HUWE1: variants seen among roughly 807,000 people sequenced by gnomAD.
HUWE1 encodes the protein E3 ubiquitin-protein ligase HUWE1.
In HUWE1, 18 loss-of-function variants were observed where a neutral mutation model predicts 299.4. The ratio of observed to expected loss-of-function variants is 0.06; its 90% CI spans 0.04 to 0.09. The LOEUF is 0.09. HUWE1 is among the 10% of genes least tolerant of loss of function. The pLI is 1.00. For missense variants in HUWE1, 1,832 were observed against 3,462.3 expected (o/e 0.53, Z 11.82); for synonymous variants, 1,317 against 1,286.1 (o/e 1.02, Z -0.51).
At chrX:53,593,699 C>T in intron 31 of HUWE1, 98 bp from the exon 32 acceptor site, 1 of 597,345 alleles carries the variant, frequency 1.7e-6, no homozygotes, top group Non-Finnish European at 2.9e-6. Flanking sequence ...ATTGGCCCTA[C>T]ACGTCCCTCT....
chrX:53,539,847 C>CA, intron 74 of HUWE1, 35 bp from the exon 75 acceptor site: 1 of 1,173,919 alleles, frequency 8.5e-7, no homozygotes, highest in South Asian at 1.9e-5. Flanking sequence ...AGAAAGTCTT[C>CA]AAAATTTCCC....
intron 73 of HUWE1, chrX:53,543,639 A>G: frequency 1.7e-6 from 1 of 596,021 alleles, no homozygotes; most frequent in Non-Finnish European, 2.6e-6. Flanking sequence ...TATGATGGCC[A>G]AGCTTTAAAT....
At chrX:53,659,597 T>C (rs1443586063) in intron 3 of HUWE1, among the ~76,000 whole-genome samples, 6 of 112,001 alleles carry the variant, frequency 5.4e-5, no homozygotes, top group African/African-American at 1.9e-4. Context: ...GAAACTACTC[T>C]GTATGATACT....
At chrX:53,548,919 C>T (rs2061657759) in intron 67 of HUWE1, 40 bp downstream of exon 67, 1 of 1,125,288 alleles carries the variant, frequency 8.9e-7, no homozygotes, top group South Asian at 1.9e-5. Flanking sequence ...CTTGCTGCCA[C>T]CCTTCTTCCA....
chrX:53,678,216 T>A, intron 3 of HUWE1, among the ~76,000 whole-genome samples: 1 of 112,187 alleles, frequency 8.9e-6, no homozygotes, highest in East Asian at 2.8e-4. Context: ...AATGCTCAGG[T>A]TAACAGCCCA....
chrX:53,585,247 G>A (rs1440080965), intron 39 of HUWE1, 59 bp from the exon 40 acceptor site: 1 of 1,107,517 alleles, frequency 9.0e-7, no homozygotes, highest in African/African-American at 1.8e-5. Flanking sequence ...AGAAGAAATA[G>A]TAACTTCATC....
intron 39 of HUWE1, 121 bp downstream of exon 39, chrX:53,586,369 A>C: frequency 2.0e-6 from 1 of 497,567 alleles, no homozygotes. Context: ...AAATCCCTTA[A>C]GAGATTTATA....
At chrX:53,657,658 G>T (rs782696494) in intron 3 of HUWE1, among the ~76,000 whole-genome samples, 1 of 112,186 alleles carries the variant, frequency 8.9e-6, no homozygotes, top group Non-Finnish European at 1.9e-5. Context: ...TGTCAGAGAT[G>T]ACATGATCAT....
intron 68 of HUWE1, 60 bp downstream of exon 68, chrX:53,547,613 G>A: frequency 4.2e-6 from 5 of 1,192,165 alleles, no homozygotes; most frequent in Non-Finnish European, 5.7e-6. Context: ...GGATGGAAAA[G>A]GGGGTGAAGT....
chrX:53,670,832 G>C (rs781927721), intron 3 of HUWE1, among the ~76,000 whole-genome samples: 1 of 111,603 alleles, frequency 9.0e-6, no homozygotes, highest in African/African-American at 3.3e-5. Flanking sequence ...ATGTATATAC[G>C]TGTACGTACG....
Position 53,551,805 on chromosome X carries a change from G to A in HUWE1, c.8882-325C>T, listed in dbSNP as rs144803808. The stretch of plus-strand genomic sequence containing the variant: ...CAGGATTACAGGCACGAGCCACCGC[G>A]CCCAGCCTCTCACACCTCTATTGGT... On this transcript the variant is annotated intron_variant, in intron 63 of 83. Coordinates refer to ENST00000262854, the MANE Select transcript of HUWE1 (RefSeq NM_031407.7). Among the ~76,000 whole-genome samples, 725 of 111,518 alleles carry A rather than the reference G, an allele frequency of 6.5e-3. 5 individuals are homozygous for A. The highest frequency in any genetic ancestry group is 0.022 in the African/African-American group (681 of 30,667).
chrX:53,574,540 C>G (rs781790362), intron 46 of HUWE1, among the ~76,000 whole-genome samples: 262 of 112,590 alleles, frequency 2.3e-3, no homozygotes, highest in Non-Finnish European at 3.9e-3. Flanking sequence ...TCCCTTGAAT[C>G]AGCACCATCA....
intron 25 of HUWE1, among the ~76,000 whole-genome samples, chrX:53,606,137 T>C (rs1416444515): frequency 1.8e-5 from 2 of 111,900 alleles, no homozygotes; most frequent in African/African-American, 6.5e-5. Context: ...TTAAAAATGT[T>C]TGTGAATCCA....
At chrX:53,612,694 AAACCAACC>A (rs1233977190) in intron 23 of HUWE1, among the ~76,000 whole-genome samples, 1 of 111,819 alleles carries the variant, frequency 8.9e-6, no homozygotes, top group Non-Finnish European at 1.9e-5. Flanking sequence ...TGGAGGTAAA[AAACCAACC>A]AACCAACCAA....
chrX:53,669,264 A>G (rs2069399794), intron 3 of HUWE1, among the ~76,000 whole-genome samples: 1 of 112,347 alleles, frequency 8.9e-6, no homozygotes, highest in Admixed American at 9.4e-5. Flanking sequence ...CAACATATAG[A>G]AAAAAATGGC....
intron 3 of HUWE1, among the ~76,000 whole-genome samples, chrX:53,663,523 A>T (rs2149451703): frequency 9.1e-6 from 1 of 110,366 alleles, no homozygotes; most frequent in Admixed American, 9.6e-5. Context: ...CGGGGGAAAA[A>T]ATATATATAT....
At chrX:53,552,610 T>C (rs982446790) in intron 62 of HUWE1, 28 bp downstream of exon 62, 67 of 1,211,675 alleles carry the variant, frequency 5.5e-5, no homozygotes, top group Non-Finnish European at 7.5e-5. Flanking sequence ...CAATATATCC[T>C]ACCCTTCTTT....
intron 7 of HUWE1, among the ~76,000 whole-genome samples, chrX:53,637,245 C>T (rs1274690767): frequency 2.7e-5 from 3 of 112,306 alleles, no homozygotes; most frequent in African/African-American, 9.7e-5. Flanking sequence ...TTGGTCAATT[C>T]CACTCTTAAT....
chrX:53,622,016 G>C (rs1557012812), intron 19 of HUWE1, among the ~76,000 whole-genome samples: 2 of 112,260 alleles, frequency 1.8e-5, no homozygotes, highest in African/African-American at 3.2e-5. Context: ...ATGAAATACA[G>C]GTGGCTAAAA....
Sources: allele counts gnomAD v4.1 joint callset (sites outside exome capture counted in the v4.1 genomes callset), GRCh38; gene constraint gnomAD v4.1.1; transcripts MANE v1.5; gene names NCBI Gene and HGNC (gene_info 2026-07-23, HGNC 2026-07-21).